TRPM5: variants seen among roughly 807,000 people sequenced by gnomAD.
TRPM5 encodes the protein MLSN1 and TRP-related.
TRPM5 carries 121 observed loss-of-function variants against 124.9 expected under a neutral mutation model. That is an observed-to-expected ratio of 0.97 (90% CI 0.84 to 1.13). TRPM5 has a LOEUF of 1.13. Among genes scored for constraint, TRPM5 ranks in the 50% most tolerant of loss-of-function variants. The pLI, the probability that TRPM5 is intolerant of heterozygous loss-of-function variation, is 0.00. For missense variants in TRPM5, 1,643 were observed against 1,589.1 expected, an observed-to-expected ratio of 1.03 and a Z score of -0.58; for synonymous variants, 781 against 700.5, an observed-to-expected ratio of 1.11 and a Z score of -1.81.
At chr11:2,428,278 T>A in the TRPM5 span, among the ~76,000 whole-genome samples, 4 of 152,270 alleles carry the variant, frequency 2.6e-5, no homozygotes, top group South Asian at 8.3e-4. This position sits in a 1 kb window ranked among gnomAD's most constrained non-coding sequence, Gnocchi z 4.0. Context: ...AAGGACCCCC[T>A]GTTCGGGGCC....
chr11:2,435,148 G>C, the TRPM5 span, among the ~76,000 whole-genome samples: 2 of 152,104 alleles, frequency 1.3e-5, no homozygotes, highest in Non-Finnish European at 1.5e-5. This position sits in a 1 kb window ranked among gnomAD's most constrained non-coding sequence, Gnocchi z 4.1. Context: ...ACTGTGTCAG[G>C]GGGAGACACA....
intron 22 of TRPM5, 137 bp from the exon 28 acceptor site, chr11:2,405,730 G>A (rs1480330188): frequency 1.0e-5 from 10 of 995,786 alleles, no homozygotes; most frequent in Non-Finnish European, 1.5e-5. Flanking sequence ...GCCGCTCACA[G>A]GCAGGGGTGA....
the TRPM5 span, among the ~76,000 whole-genome samples, chr11:2,434,567 G>A: frequency 4.1e-5 from 6 of 144,790 alleles, no homozygotes; most frequent in South Asian, 4.5e-4. Context: ...GTGTAGGTAC[G>A]CTGTGTCTGT....
chr11:2,405,239 C>G (rs969851471), intron 23 of TRPM5, among the ~76,000 whole-genome samples, 196 bp from the exon 29 acceptor site: 20 of 152,238 alleles, frequency 1.3e-4, no homozygotes, highest in Non-Finnish European at 2.4e-4. Context: ...GGAAAGCAGC[C>G]CCCTTGAGGC....
the TRPM5 span, among the ~76,000 whole-genome samples, chr11:2,428,809 TGTG>T: frequency 6.9e-6 from 1 of 144,174 alleles, no homozygotes; most frequent in African/African-American, 2.6e-5. This position sits in a 1 kb window ranked among gnomAD's most constrained non-coding sequence, Gnocchi z 4.0. Flanking sequence ...TGGTGATGAT[TGTG>T]GTGGGGATAA....
At position 2,422,238 on chromosome 11, in the gene TRPM5, C is replaced by A. The variant is rs79388781; in HGVS notation, c.201G>T (p.Leu67=). 7.7e-3 allele frequency: 12,351 copies of A among 1,612,368 alleles called. 721 individuals are homozygous for A. The African/African-American group carries it at 0.14, about 18-fold the overall frequency. ...GCTCCTCACCCACCAGGGACACCAC[C>A]AGGTTGGGGGCCGGCAGGTGCCACT... The change falls in exon 2 of 24, where the codon CTG becomes CTT. Residue 67 remains leucine, a synonymous_variant. Transcript: ENST00000155858.
chr11:2,414,011 C>CCCCCCCCCCCCCCCCCA, intron 12 of TRPM5, 50 bp downstream of exon 17: 1 of 482,248 alleles, frequency 2.1e-6, no homozygotes, highest in Non-Finnish European at 4.1e-6. Flanking sequence ...CCCAGCTCGC[C>CCCCCCCCCCCCCCCCCA]CGCCCACCCC....
chr11:2,431,976 CA>C, the TRPM5 span, among the ~76,000 whole-genome samples: 4 of 152,230 alleles, frequency 2.6e-5, no homozygotes, highest in East Asian at 7.7e-4. Flanking sequence ...ATGAGTGAAT[CA>C]ATGGGTGAGT....
chr11:2,417,706 G>GA, intron 7 of TRPM5, 21 bp downstream of exon 12: 2 of 1,087,302 alleles, frequency 1.8e-6, no homozygotes, highest in Admixed American at 2.0e-5. Flanking sequence ...CGCCTGCCTT[G>GA]CCCACCCTGC....
chr11:2,422,277 G>T, exon 2 of TRPM5: 2 of 1,612,416 alleles, frequency 1.2e-6, no homozygotes, highest in Non-Finnish European at 1.7e-6. Context: ...CAAGCAGCAG[G>T]TCAAAGAGCA....
intron 18 of TRPM5, among the ~76,000 whole-genome samples, chr11:2,409,916 A>G (rs1221065065): frequency 6.6e-6 from 1 of 152,108 alleles, no homozygotes; most frequent in African/African-American, 2.4e-5. Flanking sequence ...GTCGAGAAGG[A>G]GGCTATGGCC....
At chr11:2,422,077 G>T (rs1292934036) in intron 2 of TRPM5, 64 bp downstream of exon 7, 8 of 1,492,690 alleles carry the variant, frequency 5.4e-6, no homozygotes, top group Non-Finnish European at 7.2e-6. Context: ...GGGTTGCGGG[G>T]ACAGTCAGGG....
chr11:2,417,715 G>GCCCCCCCCCA lies in TRPM5; in HGVS notation c.1009+11_1009+12insTGGGGGGGGG. On this transcript the variant is annotated intron_variant, in intron 7 of 23. Coordinates refer to ENST00000155858, the Ensembl canonical transcript of TRPM5. Reference sequence around the variant, plus strand: ...CAATGGCGCCTGCCTTGCCCACCCTGCCCGCCCTCACCTTTCACCAGCGCC... The same window carrying GCCCCCCCCCA: ...CAATGGCGCCTGCCTTGCCCACCCTGCCCCCCCCCACCCGCCCTCACCTTTCACCAGCGCC... 1 of 470,358 alleles carries GCCCCCCCCCA rather than the reference G, an allele frequency of 2.1e-6. No individual in the cohort carries two copies. The highest frequency in any genetic ancestry group is 4.0e-6 in the Non-Finnish European group (1 of 251,248). 29.1% of individuals were successfully genotyped at this position (470,358 alleles called of 1,614,324 possible).
Position 2,418,176 on chromosome 11 carries a change from C to T in TRPM5, c.897G>A (p.Trp299Ter). Reference sequence around the variant, plus strand: ...AGGGGGCAGCACATACCAGCTTGGTCCAGCGCACGATGTCCTCCCAAGAGA... The same window carrying T: ...AGGGGGCAGCACATACCAGCTTGGTTCAGCGCACGATGTCCTCCCAAGAGA... Residue 299 changes from tryptophan (W) to a stop codon, truncating the protein, a stop_gained, in exon 6 of 24, where the codon TGG (tryptophan) becomes TGA (stop). Transcript: ENST00000155858. LOFTEE classifies it high-confidence loss of function. 4 of 1,570,908 alleles carry T rather than the reference C, an allele frequency of 2.5e-6. No individual in the cohort carries two copies. Among genetic ancestry groups the T allele is most frequent in the South Asian group, 1.2e-5 (1 of 86,208 alleles).
chr11:2,414,146 C>T lies in TRPM5; in HGVS notation c.1805G>A (p.Arg602Gln), dbSNP rs140559697. ...GGTGGTCTTGCTCCAGCAGCGGTTC[C>T]GGCGCACCAGCAGGGCGAAGGCGCG... The change falls in exon 12 of 24, where the codon CGG becomes CAG. Residue 602 changes from arginine (R) to glutamine (Q), a missense_variant. Arg to Gln is a conservative substitution (Grantham distance 43). Transcript: ENST00000155858. The T allele has an allele frequency of 3.6e-4, 582 of 1,608,230 alleles. 1 individual carries two copies. In the African/African-American group the frequency reaches 5.6e-3, roughly 16 times the overall value.
intron 3 of TRPM5, 72 bp from the exon 9 acceptor site, chr11:2,420,477 C>T: frequency 1.3e-6 from 2 of 1,483,904 alleles, no homozygotes; most frequent in Non-Finnish European, 9.1e-7. Flanking sequence ...CGGGATCCTC[C>T]CTGCCAGGCC....
rs148612502 is a variant in TRPM5, at chr11:2,422,304, G to A, written c.135C>T (p.Ser45=). ...CAAAGAGCACAGACGGGGCCACTCC[G>A]CTCGGCACCCGTACAAACTGCAAGG... Residue 45 remains serine, a synonymous_variant, in exon 2 of 24, where the codon AGC becomes AGT. Transcript: ENST00000155858. 4.4e-4 allele frequency: 715 copies of A among 1,611,032 alleles called. 1 individual carries two copies. In the African/African-American group the frequency reaches 8.2e-3, roughly 18 times the overall value.
At chr11:2,420,733 C>G (rs1268474799) in intron 3 of TRPM5, among the ~76,000 whole-genome samples, 1 of 152,228 alleles carries the variant, frequency 6.6e-6, no homozygotes, top group African/African-American at 2.4e-5. Flanking sequence ...CCGGGCCTCC[C>G]TCGGTAGTGC....
intron 12 of TRPM5, 45 bp downstream of exon 17, chr11:2,414,016 C>CCCCCCCCCCCCCCCCCCCCA: frequency 7.9e-7 from 1 of 1,259,552 alleles, no homozygotes; most frequent in Non-Finnish European, 1.1e-6. Flanking sequence ...CTCGCCCGCC[C>CCCCCCCCCCCCCCCCCCCCA]ACCCCACCCC....
Sources: gnomAD v4.1 joint callset for allele counts (sites outside exome capture counted in the v4.1 genomes callset) on GRCh38, gnomAD v4.1.1 for gene constraint, Gnocchi (gnomAD v3.1) non-coding constraint, MANE v1.5 for transcripts, NCBI Gene and HGNC (gene_info 2026-07-23, HGNC 2026-07-21) for gene names.